The following SIK3 variants were observed in gnomAD, a reference collection of about 807,000 sequenced individuals.
SIK3 encodes serine/threonine-protein kinase SIK3.
SIK3 carries 28 observed loss-of-function variants against 144.2 expected under a neutral mutation model. That is an observed-to-expected ratio of 0.19 (90% CI 0.14 to 0.27). The LOEUF (loss-of-function observed/expected upper bound fraction) is 0.27. SIK3 is among the 10% of genes least tolerant of loss of function. The pLI is 1.00. For missense variants in SIK3, 1,319 were observed against 1,776.0 expected (o/e 0.74, Z 4.62); for synonymous variants, 686 against 676.3 (o/e 1.01, Z -0.22).
At chr11:117,009,008 G>A (rs1424205446) in intron 1 of SIK3, among the ~76,000 whole-genome samples, 1 of 152,096 alleles carries the variant, frequency 6.6e-6, no homozygotes, top group South Asian at 2.1e-4. Flanking sequence ...GCCGAGGCAG[G>A]TGGATCACCT....
At chr11:116,995,189 C>T (rs1296989310) in intron 1 of SIK3, among the ~76,000 whole-genome samples, 2 of 151,336 alleles carry the variant, frequency 1.3e-5, no homozygotes, top group African/African-American at 4.9e-5. Flanking sequence ...ATCGCTTGAA[C>T]CCAGGAGGTG....
chr11:116,852,484 T>A (rs896952367), intron 21 of SIK3, among the ~76,000 whole-genome samples: 2 of 152,234 alleles, frequency 1.3e-5, no homozygotes, highest in Non-Finnish European at 2.9e-5. Flanking sequence ...TGGCCGTGAA[T>A]CCTGGCTTAG....
In SIK3 at chr11:116,847,529, A is replaced by G. The variant is rs568640428; in HGVS notation, c.3899T>C (p.Leu1300Pro). The change falls in exon 23 of 25, where the codon CTC (leucine) becomes CCC (proline). Residue 1300 changes from leucine to proline, a missense_variant. Coordinates refer to ENST00000445177, the MANE Select transcript of SIK3 (RefSeq NM_001366686.3). ...GCTGCCCATGAGCGAAGACTGACTG[A>G]GAACTGCATCCGACATCCGGGCAGA... The part of the protein sequence containing the change: ...LSSARMSDAV[L>P]SQSSLMGSQQ... 87 of 1,614,224 alleles carry G rather than the reference A, an allele frequency of 5.4e-5. No individual in the cohort carries two copies. The South Asian group carries it at 8.7e-4, about 16-fold the overall frequency.
chr11:116,946,251 T>A (rs922153028), intron 3 of SIK3, among the ~76,000 whole-genome samples: 1 of 152,150 alleles, frequency 6.6e-6, no homozygotes, highest in Non-Finnish European at 1.5e-5. Context: ...CTGTCAAGTA[T>A]CAAGAGGGTC....
At chr11:116,907,987 TAAA>T (rs34564120) in intron 4 of SIK3, among the ~76,000 whole-genome samples, 18 of 138,548 alleles carry the variant, frequency 1.3e-4, no homozygotes, top group Non-Finnish European at 1.8e-4. Context: ...CGTTTTTATT[TAAA>T]AAAAAAAAAA....
chr11:117,042,327 G>A (rs533679082), intron 1 of SIK3, among the ~76,000 whole-genome samples: 2 of 152,280 alleles, frequency 1.3e-5, no homozygotes, highest in South Asian at 4.2e-4. Flanking sequence ...TGGCTGAAAT[G>A]TGAAATACGC....
chr11:116,905,286 T>C (rs546974726), intron 4 of SIK3, among the ~76,000 whole-genome samples: 2 of 152,254 alleles, frequency 1.3e-5, no homozygotes, highest in African/African-American at 4.8e-5. Flanking sequence ...ATGTCAGCAC[T>C]TGAGTCTATT....
intron 3 of SIK3, among the ~76,000 whole-genome samples, chr11:116,932,278 A>G (rs1174105641): frequency 6.6e-6 from 1 of 152,170 alleles, no homozygotes; most frequent in Non-Finnish European, 1.5e-5. Flanking sequence ...AAAACTTTTT[A>G]TTTTGAGATA....
chr11:116,847,453 G>T, intron 23 of SIK3, 23 bp downstream of exon 23: 2 of 1,613,978 alleles, frequency 1.2e-6, no homozygotes, highest in South Asian at 2.2e-5. Context: ...TCTCTGGAGT[G>T]CCCCATGCAT....
chr11:116,940,711 C>T (rs1948241891), intron 3 of SIK3, among the ~76,000 whole-genome samples: 1 of 151,336 alleles, frequency 6.6e-6, no homozygotes, highest in South Asian at 2.1e-4. Context: ...AATATAAATG[C>T]TGGTCACAGA....
chr11:117,029,403 GCC>G (rs1404566747), intron 1 of SIK3, among the ~76,000 whole-genome samples: 3 of 152,150 alleles, frequency 2.0e-5, no homozygotes, highest in Non-Finnish European at 4.4e-5. Context: ...GCTGCAGTGA[GCC>G]AAGATTGCAC....
At chr11:117,089,716 T>A (rs1484360085) in intron 1 of SIK3, among the ~76,000 whole-genome samples, 2 of 152,176 alleles carry the variant, frequency 1.3e-5, no homozygotes, top group Non-Finnish European at 2.9e-5. Context: ...AGAAATTTGA[T>A]AATTTTTCAG....
intron 1 of SIK3, among the ~76,000 whole-genome samples, chr11:117,059,344 C>T (rs1419291367): frequency 6.6e-6 from 1 of 152,164 alleles, no homozygotes; most frequent in African/African-American, 2.4e-5. Context: ...TAATATCACA[C>T]TATAAAGAAT....
At position 117,057,874 on chromosome 11, in the gene SIK3, T is replaced by C. The variant is rs887754350; in HGVS notation, c.273+40269A>G. 3.9e-5 allele frequency among the ~76,000 whole-genome samples: 6 copies of C among 152,166 alleles called. No homozygotes were observed. The East Asian group carries it at 5.8e-4, about 15-fold the overall frequency. ...GCTATGAAAACCAAAAAACTTCCTA[T>C]GTGTAAGTGCTAAGAACAGTCTCTG... is the stretch of plus-strand genomic sequence containing the variant. On this transcript the variant is annotated intron_variant, in intron 1 of 24. Transcript: ENST00000445177.
At chr11:116,985,417 A>AT (rs1950294245) in intron 1 of SIK3, among the ~76,000 whole-genome samples, 1 of 152,210 alleles carries the variant, frequency 6.6e-6, no homozygotes, top group Admixed American at 6.5e-5. Context: ...TAACAAGAAT[A>AT]TTTATATAAA....
intron 1 of SIK3, among the ~76,000 whole-genome samples, chr11:116,965,756 T>C (rs777593181): frequency 0.4 from 19,926 of 49,406 alleles, 2,333 homozygotes; most frequent in Admixed American, 0.47. Context: ...TATATATATA[T>C]ATATATATAT....
chr11:117,084,876 A>G (rs1954938981), intron 1 of SIK3, among the ~76,000 whole-genome samples: 2 of 152,174 alleles, frequency 1.3e-5, no homozygotes, highest in African/African-American at 2.4e-5. Flanking sequence ...ACAAAACTGG[A>G]AATTATAGAT....
At chr11:116,929,342 G>C (rs1293878583) in intron 3 of SIK3, among the ~76,000 whole-genome samples, 1 of 152,130 alleles carries the variant, frequency 6.6e-6, no homozygotes, top group South Asian at 2.1e-4. Context: ...AGCTCATTTG[G>C]CCAAGCTACC....
chr11:116,992,126 C>G (rs890749506), intron 1 of SIK3, among the ~76,000 whole-genome samples: 1 of 152,012 alleles, frequency 6.6e-6, no homozygotes, highest in Non-Finnish European at 1.5e-5. Flanking sequence ...GAGTTCGAGA[C>G]CAGCTTGGCC....
Sources: allele counts gnomAD v4.1 joint callset (sites outside exome capture counted in the v4.1 genomes callset), GRCh38; gene constraint gnomAD v4.1.1; transcripts MANE v1.5; gene names NCBI Gene and HGNC (gene_info 2026-07-23, HGNC 2026-07-21).